CDH23: variants seen among roughly 807,000 people sequenced by gnomAD.
CDH23 encodes the protein cadherin related 23, also known as cadherin-23.
A neutral mutation model predicts 317.1 loss-of-function variants in CDH23; 189 were observed. That is an observed-to-expected ratio of 0.60 (90% confidence interval 0.53 to 0.67). The LOEUF is 0.67. Among genes scored for constraint, CDH23 ranks in the 30% least tolerant of loss-of-function variants. CDH23 has a pLI of 0.00. For synonymous variants in CDH23, 1,839 were observed against 1,876.8 expected (o/e 0.98, Z 0.52); for missense variants, 4,401 against 4,592.4 (o/e 0.96, Z 1.20).
chr10:71,590,869 T>A (rs1250801340), intron 9 of CDH23, among the ~76,000 whole-genome samples: 1 of 102,100 alleles, frequency 9.8e-6, no homozygotes, highest in Non-Finnish European at 1.9e-5. Context: ...TGAGACCCTG[T>A]CTCTAAAAAA....
rs377148854 is a variant in CDH23 at position 71,677,640 on chromosome 10, G to A, written c.1699G>A (p.Val567Met). The change falls in exon 16 of 70, where the codon GTG becomes ATG. Residue 567 changes from valine (V) to methionine (M), a missense_variant. Around this residue, in one of 3 missense-constraint regions of CDH23, gnomAD observed 3,068 missense variants for 3,203.3 expected, o/e 0.96. Transcript: ENST00000224721. ...GCCCACCTTCCAGAAGGATGCCTAC[G>A]TGGGTGCTCTGCGGGAGAACGAGCC... is the stretch of plus-strand genomic sequence containing the variant. ...NVPTFQKDAY[V>M]GALRENEPSV... The A allele has an allele frequency of 2.6e-5, 42 of 1,591,062 alleles. No homozygotes were observed. Among genetic ancestry groups the A allele is most frequent in the South Asian group, 2.3e-4 (20 of 87,168 alleles).
chr10:71,767,243 G>A lies in CDH23; in HGVS notation c.4846-10437G>A, dbSNP rs538653755. ...CCGGGTGACCCCTGTGAGTGTGCACGGGATGGGTGTGTGTGGGTGTGGACA... is the reference window on the plus strand; with the variant it reads ...CCGGGTGACCCCTGTGAGTGTGCACAGGATGGGTGTGTGTGGGTGTGGACA... On this transcript the variant is annotated intron_variant, in intron 38 of 69. Transcript: ENST00000224721. Among the ~76,000 whole-genome samples, 5 of 152,342 alleles carry A rather than the reference G, an allele frequency of 3.3e-5. 1 individual carries two copies. The South Asian group carries it at 8.3e-4, about 25-fold the overall frequency.
intron 9 of CDH23, among the ~76,000 whole-genome samples, chr10:71,586,882 G>A (rs1256448460): frequency 6.6e-6 from 1 of 152,122 alleles, no homozygotes; most frequent in African/African-American, 2.4e-5. Flanking sequence ...CTGTCAGGTG[G>A]GTATTGTTTT....
At chr10:71,472,607 A>G (rs1281087836) in intron 3 of CDH23, among the ~76,000 whole-genome samples, 1 of 152,192 alleles carries the variant, frequency 6.6e-6, no homozygotes, top group East Asian at 1.9e-4. Context: ...GCCAGGCTTC[A>G]ACTTGCTCTG....
chr10:71,802,091 T>C (rs1841573077), intron 53 of CDH23, among the ~76,000 whole-genome samples: 1 of 152,288 alleles, frequency 6.6e-6, no homozygotes, highest in East Asian at 1.9e-4. Context: ...GGGGATCACC[T>C]GAGGTTAGGA....
At chr10:71,417,553 A>G (rs970123351) in intron 1 of CDH23, among the ~76,000 whole-genome samples, 1 of 152,162 alleles carries the variant, frequency 6.6e-6, no homozygotes, top group African/African-American at 2.4e-5. Context: ...ATACACATGT[A>G]CTAGATATTT....
intron 6 of CDH23, among the ~76,000 whole-genome samples, chr10:71,542,026 A>C (rs1389079104): frequency 2.0e-5 from 3 of 152,180 alleles, no homozygotes; most frequent in Non-Finnish European, 4.4e-5. Context: ...TTATATCTAC[A>C]AAAGACGGTA....
chr10:71,794,265 G>A (rs768162047), intron 48 of CDH23, among the ~76,000 whole-genome samples: 2 of 152,316 alleles, frequency 1.3e-5, no homozygotes, highest in Non-Finnish European at 2.9e-5. Flanking sequence ...GGCCTCCCAA[G>A]TGCTGGGATT....
At chr10:71,774,406 C>T (rs541965214) in intron 38 of CDH23, among the ~76,000 whole-genome samples, 1 of 152,192 alleles carries the variant, frequency 6.6e-6, no homozygotes. Context: ...TCCCACTTCA[C>T]GAAATGTCCT....
intron 38 of CDH23, among the ~76,000 whole-genome samples, chr10:71,765,089 C>T (rs1275600501): frequency 6.6e-6 from 1 of 152,192 alleles, no homozygotes; most frequent in African/African-American, 2.4e-5. Flanking sequence ...AAAGGGCTCT[C>T]CCACGTACTC....
intron 6 of CDH23, among the ~76,000 whole-genome samples, chr10:71,553,336 C>T (rs957418969): frequency 3.3e-5 from 5 of 152,218 alleles, no homozygotes; most frequent in Admixed American, 3.3e-4. Flanking sequence ...CACCCCTCAG[C>T]TCCTCTGCAG....
chr10:71,708,125 C>T (rs1464566158), intron 26 of CDH23, among the ~76,000 whole-genome samples: 1 of 152,194 alleles, frequency 6.6e-6, no homozygotes, highest in Non-Finnish European at 1.5e-5. Flanking sequence ...CCTGGGCTCC[C>T]CGGGAGTCAG....
intron 11 of CDH23, 146 bp downstream of exon 11, chr10:71,617,539 G>GAAAA: frequency 1.4e-6 from 2 of 1,430,240 alleles, no homozygotes; most frequent in Admixed American, 2.4e-5. Context: ...AAATAAGGCT[G>GAAAA]AAAAAAAAAT....
chr10:71,412,991 T>C (rs529987437), intron 1 of CDH23, among the ~76,000 whole-genome samples: 2 of 152,246 alleles, frequency 1.3e-5, no homozygotes, highest in Non-Finnish European at 2.9e-5. Context: ...TTTGATGAAG[T>C]ACAAATACCT....
At chr10:71,619,324 C>CA (rs34480320) in intron 11 of CDH23, among the ~76,000 whole-genome samples, 3,475 of 117,522 alleles carry the variant, frequency 0.03, 106 homozygotes, top group African/African-American at 0.09. Flanking sequence ...GACCCTGTCT[C>CA]AAAAAAAAAA....
At chr10:71,707,152 A>T (rs1865823432) in intron 26 of CDH23, 103 bp downstream of exon 26, 2 of 1,548,504 alleles carry the variant, frequency 1.3e-6, no homozygotes, top group Admixed American at 3.9e-5. Flanking sequence ...GAGGGTGGAA[A>T]AGAGGTCAGG....
intron 3 of CDH23, among the ~76,000 whole-genome samples, chr10:71,488,150 A>G (rs115994947): frequency 1.2e-3 from 180 of 152,320 alleles, no homozygotes; most frequent in African/African-American, 4.0e-3. Context: ...ATGGACCATC[A>G]ACAGTTGTTT....
intron 11 of CDH23, among the ~76,000 whole-genome samples, chr10:71,628,306 G>A (rs373707154): frequency 3.9e-5 from 6 of 152,174 alleles, no homozygotes; most frequent in African/African-American, 1.2e-4. Context: ...TCTGTCCCCC[G>A]AAAGGGGAGA....
chr10:71,438,117 G>C (rs1849698328), intron 1 of CDH23, among the ~76,000 whole-genome samples: 1 of 152,064 alleles, frequency 6.6e-6, no homozygotes, highest in Non-Finnish European at 1.5e-5. Context: ...GAGCCGGGTG[G>C]ATCACTTGAG....
Sources: gnomAD v4.1 joint callset for allele counts (sites outside exome capture counted in the v4.1 genomes callset) on GRCh38, gnomAD v4.1.1 for gene constraint, gnomAD v4.1.1 regional missense constraint, MANE v1.5 for transcripts, NCBI Gene and HGNC (gene_info 2026-07-23, HGNC 2026-07-21) for gene names.